Variants in EXTL3 observed in about 807,000 individuals in gnomAD.
EXTL3 encodes exostosin-like 3.
A neutral mutation model predicts 69.3 loss-of-function variants in EXTL3; 27 were observed. The observed-to-expected ratio is 0.39, with a 90% CI of 0.29 to 0.54. EXTL3 has a LOEUF of 0.54. Among genes scored for constraint, EXTL3 ranks in the 20% least tolerant of loss-of-function variants. EXTL3 has a pLI of 0.69. For synonymous variants in EXTL3, 511 were observed against 499.4 expected, an observed-to-expected ratio of 1.02 and a Z score of -0.31; for missense variants, 1,003 against 1,231.8, an observed-to-expected ratio of 0.81 and a Z score of 2.78.
Position 28,717,404 on chromosome 8 carries a change from A to C in EXTL3, c.1345A>C (p.Thr449Pro). 1 of 1,614,104 alleles carries C rather than the reference A, an allele frequency of 6.2e-7. No individual in the cohort carries two copies. The highest frequency in any genetic ancestry group is 8.5e-7 in the Non-Finnish European group (1 of 1,180,006). The change falls in exon 3 of 7, where the codon ACA becomes CCA. Residue 449 changes from threonine (T) to proline (P), a missense_variant. Coordinates refer to ENST00000220562, the MANE Select transcript of EXTL3 (RefSeq NM_001440.4). This position sits in a 1 kb window ranked among gnomAD's most constrained non-coding sequence, Gnocchi z 8.3. ...CTTGGTTATTTCCTCTGGGTGTGCA[A>C]CACGGCTCTTCGAAGCCCTGGAAGT... ...PRLVISSGCA[T>P]RLFEALEVGA...
intron 4 of EXTL3, among the ~76,000 whole-genome samples, chr8:28,734,617 CAGG>C (rs1261749206): frequency 6.6e-6 from 1 of 152,158 alleles, no homozygotes; most frequent in East Asian, 1.9e-4. Flanking sequence ...GAGGCTGAGA[CAGG>C]AGAATTGCTT....
At chr8:28,726,399 A>G (rs1801413341) in intron 3 of EXTL3, among the ~76,000 whole-genome samples, 1 of 152,164 alleles carries the variant, frequency 6.6e-6, no homozygotes, top group Non-Finnish European at 1.5e-5. Flanking sequence ...TCTTCCACCC[A>G]TTTAGTTTTA....
upstream of EXTL3, among the ~76,000 whole-genome samples, chr8:28,618,813 G>A (rs929087485): frequency 3.3e-5 from 5 of 151,984 alleles, no homozygotes; most frequent in African/African-American, 7.3e-5. Context: ...AGCCAGGCGT[G>A]GTGGCTCACG....
At chr8:28,711,042 C>A (rs928496408) in intron 1 of EXTL3, among the ~76,000 whole-genome samples, 4 of 152,126 alleles carry the variant, frequency 2.6e-5, no homozygotes, top group African/African-American at 7.2e-5. Flanking sequence ...AGTATGAAGT[C>A]AGTTTACTTA....
chr8:28,731,123 C>T, intron 3 of EXTL3, 100 bp from the exon 4 acceptor site: 1 of 1,475,912 alleles, frequency 6.8e-7, no homozygotes, highest in Non-Finnish European at 9.4e-7. Context: ...CAAAATTATT[C>T]AGTAAATCCA....
intron 1 of EXTL3, among the ~76,000 whole-genome samples, chr8:28,695,976 G>C (rs1444709071): frequency 6.6e-6 from 1 of 152,144 alleles, no homozygotes; most frequent in Non-Finnish European, 1.5e-5. Context: ...GGAGTGCAGT[G>C]GTGCGATCAC....
chr8:28,635,715 CCACACA>C (rs146671194), intron 1 of EXTL3, among the ~76,000 whole-genome samples: 6,669 of 142,772 alleles, frequency 0.047, 443 homozygotes, highest in African/African-American at 0.15. Context: ...CCCCACAACT[CCACACA>C]CACACACACA....
upstream of EXTL3, among the ~76,000 whole-genome samples, chr8:28,622,382 G>T (rs1221855579): frequency 1.3e-5 from 2 of 152,224 alleles, no homozygotes; most frequent in Admixed American, 6.5e-5. Flanking sequence ...TTGTTGCAGC[G>T]GCGCCCGCCA....
At chr8:28,619,833 G>A (rs1806385317), upstream of EXTL3, among the ~76,000 whole-genome samples, 1 of 132,470 alleles carries the variant, frequency 7.5e-6, no homozygotes, top group South Asian at 2.7e-4. Context: ...ACCGCCGACA[G>A]GGCTTCTGGT....
intron 4 of EXTL3, among the ~76,000 whole-genome samples, chr8:28,733,524 T>C (rs1585288908): frequency 2.0e-5 from 3 of 151,736 alleles, no homozygotes; most frequent in Admixed American, 2.0e-4. Context: ...TAGCGGGGAC[T>C]ACAGGCTCAC....
chr8:28,728,246 C>T (rs1421475812), intron 3 of EXTL3, among the ~76,000 whole-genome samples: 2 of 152,234 alleles, frequency 1.3e-5, no homozygotes, highest in African/African-American at 2.4e-5. Context: ...CATTGCTGAG[C>T]TTGCCATTCA....
intron 6 of EXTL3, among the ~76,000 whole-genome samples, chr8:28,743,516 C>CTA (rs1002197255): frequency 8.5e-5 from 13 of 152,128 alleles, no homozygotes; most frequent in African/African-American, 2.9e-4. Flanking sequence ...ATGAAACAGG[C>CTA]TATAATTCAT....
intron 1 of EXTL3, among the ~76,000 whole-genome samples, chr8:28,625,887 A>G (rs1051589073): frequency 6.6e-6 from 1 of 151,008 alleles, no homozygotes; most frequent in African/African-American, 2.4e-5. Flanking sequence ...AAGGCCAGGC[A>G]CGGTGGCTCA....
chr8:28,748,781 G>A (rs1293800781), intron 6 of EXTL3, among the ~76,000 whole-genome samples: 1 of 152,096 alleles, frequency 6.6e-6, no homozygotes, highest in Non-Finnish European at 1.5e-5. Context: ...AGTCTTTTGA[G>A]CCTCCATGGG....
At chr8:28,648,919 A>G (rs1806875878) in intron 1 of EXTL3, among the ~76,000 whole-genome samples, 1 of 151,804 alleles carries the variant, frequency 6.6e-6, no homozygotes, top group South Asian at 2.1e-4. Flanking sequence ...GTTGAGACAG[A>G]GTCTTACTCT....
chr8:28,748,972 G>A (rs565744690), intron 6 of EXTL3, among the ~76,000 whole-genome samples: 17 of 152,252 alleles, frequency 1.1e-4, no homozygotes, highest in South Asian at 2.1e-4. Context: ...AGACCCAGTC[G>A]TCGATACCCT....
chr8:28,668,863 C>CTTTTTTT (rs1563442051), intron 1 of EXTL3, among the ~76,000 whole-genome samples: 36 of 37,542 alleles, frequency 9.6e-4, no homozygotes, highest in African/African-American at 4.1e-3. Flanking sequence ...TTGATAGAAT[C>CTTTTTTT]TCTTTTTTTT....
intron 1 of EXTL3, among the ~76,000 whole-genome samples, chr8:28,681,075 C>T (rs1431579337): frequency 6.6e-6 from 1 of 151,860 alleles, no homozygotes; most frequent in Non-Finnish European, 1.5e-5. Context: ...ACGGTTTCAC[C>T]ATGTTGGCCA....
intron 1 of EXTL3, among the ~76,000 whole-genome samples, chr8:28,651,411 G>A (rs965557835): frequency 2.0e-5 from 3 of 151,964 alleles, no homozygotes; most frequent in African/African-American, 4.8e-5. Context: ...CTGCAGCCTC[G>A]AACTCCTAGG....
Sources: allele counts gnomAD v4.1 joint callset (sites outside exome capture counted in the v4.1 genomes callset), GRCh38; gene constraint gnomAD v4.1.1; non-coding constraint Gnocchi (gnomAD v3.1); transcripts MANE v1.5; gene names NCBI Gene and HGNC (gene_info 2026-07-23, HGNC 2026-07-21).